Variants in PHLDB2 observed in about 807,000 individuals in gnomAD.
PHLDB2 encodes the protein pleckstrin homology-like domain family B member 2.
PHLDB2 carries 71 observed loss-of-function variants against 123.6 expected under a neutral mutation model. That is an observed-to-expected ratio of 0.57 (90% confidence interval 0.47 to 0.70). The LOEUF is 0.70. PHLDB2 is among the 30% of genes least tolerant of loss of function. The probability of loss-of-function intolerance (pLI) is 0.00; values close to 1 mark genes in which losing one functional copy is unlikely to be tolerated. For missense variants in PHLDB2, 1,446 were observed against 1,519.5 expected, an observed-to-expected ratio of 0.95 and a Z score of 0.80; for synonymous variants, 547 against 541.6, an observed-to-expected ratio of 1.01 and a Z score of -0.14.
At chr3:111,845,492 G>T (rs1326351756) in intron 1 of PHLDB2, among the ~76,000 whole-genome samples, 1 of 151,572 alleles carries the variant, frequency 6.6e-6, no homozygotes, top group African/African-American at 2.4e-5. Context: ...GCAGCAACAT[G>T]CCCAAGAAGA....
intron 1 of PHLDB2, among the ~76,000 whole-genome samples, chr3:111,786,082 G>T (rs997160286): frequency 6.6e-6 from 1 of 152,028 alleles, no homozygotes; most frequent in Non-Finnish European, 1.5e-5. Flanking sequence ...ATGGAGGATT[G>T]GTTCTAGGAC....
At chr3:111,851,022 C>T (rs966335844) in intron 2 of PHLDB2, among the ~76,000 whole-genome samples, 6 of 150,952 alleles carry the variant, frequency 4.0e-5, no homozygotes, top group East Asian at 2.0e-4. Flanking sequence ...AGTGAAACCC[C>T]GTCTCTACTA....
intron 10 of PHLDB2, among the ~76,000 whole-genome samples, chr3:111,952,068 A>G (rs544281316): frequency 6.6e-6 from 1 of 152,324 alleles, no homozygotes; most frequent in South Asian, 2.1e-4. Context: ...CCTTTTAGGG[A>G]AACTTTATGT....
chr3:111,749,142 CAG>C (rs1477170211), intron 1 of PHLDB2, among the ~76,000 whole-genome samples: 2 of 149,522 alleles, frequency 1.3e-5, no homozygotes, highest in Non-Finnish European at 3.0e-5. Flanking sequence ...AAAAATAAAA[CAG>C]AGAACCATTT....
intron 1 of PHLDB2, among the ~76,000 whole-genome samples, chr3:111,755,335 T>G (rs1163431136): frequency 6.8e-6 from 1 of 146,656 alleles, no homozygotes; most frequent in African/African-American, 2.5e-5. Context: ...CAGAGCCTGT[T>G]ATTGGTCTAT....
chr3:111,834,227 T>TA (rs1559858244), intron 1 of PHLDB2, among the ~76,000 whole-genome samples: 2 of 97,286 alleles, frequency 2.1e-5, no homozygotes, highest in Admixed American at 1.3e-4. Context: ...ATTATATATA[T>TA]ATTATGTATA....
chr3:111,949,547 G>A (rs2070571737), intron 10 of PHLDB2, among the ~76,000 whole-genome samples: 1 of 152,112 alleles, frequency 6.6e-6, no homozygotes, highest in South Asian at 2.1e-4. Context: ...TACAGTGTGG[G>A]ATTTTAATAA....
chr3:111,969,656 A>T, intron 15 of PHLDB2, 34 bp from the exon 16 acceptor site: 1 of 1,539,762 alleles, frequency 6.5e-7, no homozygotes, highest in South Asian at 1.1e-5. Context: ...ACAAATAATT[A>T]GCTATAGATG....
At position 111,974,557 on chromosome 3, in the gene PHLDB2, G is replaced by A. The variant is rs1371095809; in HGVS notation, c.3756G>A (p.Leu1252=). Residue 1252 remains leucine, a synonymous_variant, in exon 18 of 18, where the codon TTG becomes TTA. Coordinates refer to ENST00000431670, the MANE Select transcript of PHLDB2 (RefSeq NM_001134438.2). ...GGGCAGAAGGTTACACTCACTTCTTGTTGTAGTGAACTGAGGCAACAGTCC... is the reference window on the plus strand; with the variant it reads ...GGGCAGAAGGTTACACTCACTTCTTATTGTAGTGAACTGAGGCAACAGTCC... ...VTGAEGYTHF[L]L 4 of 1,611,548 alleles carry A rather than the reference G, an allele frequency of 2.5e-6. No homozygotes were observed. The highest frequency in any genetic ancestry group is 2.2e-5 in the East Asian group (1 of 44,796).
chr3:111,733,234 C>T (rs1213072330), intron 1 of PHLDB2, among the ~76,000 whole-genome samples: 1 of 152,144 alleles, frequency 6.6e-6, no homozygotes, highest in Non-Finnish European at 1.5e-5. Flanking sequence ...AGTTAAAAGT[C>T]CTGAAATTAC....
intron 1 of PHLDB2, chr3:111,779,927 A>G: frequency 2.2e-6 from 2 of 911,652 alleles, no homozygotes; most frequent in Non-Finnish European, 2.6e-6. Flanking sequence ...ACACTTGGCT[A>G]TTTATCACCC....
chr3:111,779,950 T>C, intron 1 of PHLDB2: 1 of 839,228 alleles, frequency 1.2e-6, no homozygotes, highest in Non-Finnish European at 1.4e-6. Flanking sequence ...CACATTCAGA[T>C]TTTTAGGAAG....
intron 17 of PHLDB2, among the ~76,000 whole-genome samples, 173 bp from the exon 18 acceptor site, chr3:111,974,250 G>A (rs1218060348): frequency 6.6e-6 from 1 of 152,128 alleles, no homozygotes; most frequent in African/African-American, 2.4e-5. Context: ...CAGAAAAATG[G>A]TCAATCCTGA....
chr3:111,884,006 G>A, intron 1 of PHLDB2, 58 bp from the exon 2 acceptor site: 1 of 1,478,458 alleles, frequency 6.8e-7, no homozygotes, highest in Non-Finnish European at 9.2e-7. Context: ...GGCCTAACAA[G>A]GGATTGTTCT....
chr3:111,743,668 C>G (rs187206802), intron 1 of PHLDB2, among the ~76,000 whole-genome samples: 20 of 152,294 alleles, frequency 1.3e-4, no homozygotes, highest in Admixed American at 1.0e-3. Flanking sequence ...TCCAATACTA[C>G]ACATTGTAAG....
At chr3:111,855,108 A>G (rs1019743280), upstream of PHLDB2, among the ~76,000 whole-genome samples, 10 of 152,184 alleles carry the variant, frequency 6.6e-5, no homozygotes, top group African/African-American at 2.4e-4. Flanking sequence ...AAAAAGAAAA[A>G]AAAAAGTCAG....
At chr3:111,808,383 T>C (rs1262998760) in intron 1 of PHLDB2, among the ~76,000 whole-genome samples, 3 of 152,170 alleles carry the variant, frequency 2.0e-5, no homozygotes, top group Non-Finnish European at 4.4e-5. Context: ...TGAATGACAT[T>C]AGCTATGTCT....
chr3:111,948,753 G>A (rs974837876), intron 9 of PHLDB2, among the ~76,000 whole-genome samples, 179 bp from the exon 10 acceptor site: 16 of 152,194 alleles, frequency 1.1e-4, no homozygotes, highest in African/African-American at 1.7e-4. Flanking sequence ...CAATTTTCAA[G>A]ATTAAGCAAT....
intron 1 of PHLDB2, among the ~76,000 whole-genome samples, chr3:111,807,602 T>A (rs12485512): frequency 0.047 from 7,105 of 152,156 alleles, 472 homozygotes; most frequent in East Asian, 0.27. Context: ...GTGATTTTTT[T>A]AATTTACACG....
Sources: allele counts gnomAD v4.1 joint callset (sites outside exome capture counted in the v4.1 genomes callset), GRCh38; gene constraint gnomAD v4.1.1; transcripts MANE v1.5; gene names NCBI Gene and HGNC (gene_info 2026-07-23, HGNC 2026-07-21).